Variants in FILIP1L observed in about 807,000 individuals in gnomAD.
FILIP1L encodes the protein filamin A interacting protein 1 like.
FILIP1L carries 55 observed loss-of-function variants against 96.6 expected under a neutral mutation model. The observed-to-expected ratio is 0.57, with a 90% CI of 0.46 to 0.71. The LOEUF (loss-of-function observed/expected upper bound fraction) is 0.71. Ranked by LOEUF, FILIP1L falls within the 30% of genes least tolerant of loss-of-function variation. The pLI is 0.00. For missense variants in FILIP1L, 1,304 were observed against 1,321.2 expected (o/e 0.99, Z 0.20); for synonymous variants, 467 against 473.9 (o/e 0.99, Z 0.19).
rs780887267 is a variant in FILIP1L at position 99,924,394 on chromosome 3, C to T, written c.441G>A (p.Val147=). The T allele has an allele frequency of 6.2e-7, 1 of 1,614,036 alleles. No individual in the cohort carries two copies. Among genetic ancestry groups the T allele is most frequent in the South Asian group, 1.1e-5 (1 of 91,030 alleles). Reference sequence around the variant, plus strand: ...GTCTGTAAGATTCTTTATGTTTTTCCACAACTTTGTCCAACTACGAAAGAA... The same window carrying T: ...GTCTGTAAGATTCTTTATGTTTTTCTACAACTTTGTCCAACTACGAAAGAA... ...EKPMNELDKV[V]EKHKESYRRI... Residue 147 remains valine (V), a synonymous_variant, in exon 4 of 6, where the codon GTG becomes GTA. Coordinates refer to ENST00000477258, the MANE Select transcript of FILIP1L (RefSeq NM_001387850.1).
At chr3:99,949,458 T>C (rs1443161242) in intron 1 of FILIP1L, among the ~76,000 whole-genome samples, 2 of 152,236 alleles carry the variant, frequency 1.3e-5, no homozygotes, top group Non-Finnish European at 2.9e-5. Context: ...AAGTCAGGAA[T>C]GCATAACTGT....
Position 99,849,812 on chromosome 3 carries a change from T to C in FILIP1L, c.1864A>G (p.Asn622Asp). The change falls in exon 5 of 6, where the codon AAC becomes GAC. Residue 622 changes from asparagine to aspartate, a missense_variant. Physicochemically the swap from Asn to Asp is conservative, Grantham distance 23. Coordinates refer to ENST00000477258, the MANE Select transcript of FILIP1L (RefSeq NM_001387850.1). ...TGAGAGAGCTCCTTAATCTTATTGTTTTCTTGGTGTAATGCTGTTGTGGAT... is the reference window on the plus strand; with the variant it reads ...TGAGAGAGCTCCTTAATCTTATTGTCTTCTTGGTGTAATGCTGTTGTGGAT... ...GKSTTALHQE[N>D]NKIKELSQEV... 6.2e-7 allele frequency: 1 copy of C among 1,612,784 alleles called. No homozygotes were observed. Among genetic ancestry groups the C allele is most frequent in the Non-Finnish European group, 8.5e-7 (1 of 1,179,846 alleles).
In FILIP1L at chr3:99,873,883, T is replaced by G. The variant is rs369433418; in HGVS notation, c.606-22813A>C. On this transcript the variant is annotated intron_variant, in intron 4 of 5. Transcript: ENST00000477258. ...AGGTTAATCACCACAAAAGTGCAAATGAACTTACTAAGCATAAAATTATTA... is the reference window on the plus strand; with the variant it reads ...AGGTTAATCACCACAAAAGTGCAAAGGAACTTACTAAGCATAAAATTATTA... 2.6e-5 allele frequency among the ~76,000 whole-genome samples: 4 copies of G among 152,172 alleles called. No homozygotes were observed. In the South Asian group the frequency reaches 8.3e-4, roughly 32 times the overall value.
intron 1 of FILIP1L, among the ~76,000 whole-genome samples, chr3:100,038,252 G>A (rs569218743): frequency 1.7e-4 from 26 of 152,034 alleles, no homozygotes; most frequent in African/African-American, 5.8e-4. Context: ...CACCACGCCC[G>A]GCCTCTCTTT....
intron 1 of FILIP1L, among the ~76,000 whole-genome samples, chr3:99,953,609 A>G (rs1044961719): frequency 1.1e-4 from 16 of 152,192 alleles, no homozygotes; most frequent in Non-Finnish European, 2.4e-4. Context: ...AGTCTTTTCT[A>G]AGATGACTTT....
At chr3:99,863,879 A>G (rs764357157) in intron 4 of FILIP1L, among the ~76,000 whole-genome samples, 4 of 152,234 alleles carry the variant, frequency 2.6e-5, no homozygotes, top group Admixed American at 6.5e-5. Context: ...TTTACACAAA[A>G]GTAGCTTACA....
intron 1 of FILIP1L, chr3:100,039,778 G>GAC (rs1166558968): frequency 6.7e-6 from 1 of 150,098 alleles, no homozygotes; most frequent in Non-Finnish European, 1.5e-5. Context: ...TTTTGAGATG[G>GAC]AGTCTTGTTC....
chr3:99,866,350 A>G (rs140996968), intron 4 of FILIP1L, among the ~76,000 whole-genome samples: 20 of 152,314 alleles, frequency 1.3e-4, no homozygotes, highest in African/African-American at 4.6e-4. Context: ...CTAAAGTGGT[A>G]TGCTTGGGAA....
intron 4 of FILIP1L, among the ~76,000 whole-genome samples, chr3:99,859,786 C>A (rs1332123595): frequency 6.6e-6 from 1 of 151,806 alleles, no homozygotes; most frequent in Non-Finnish European, 1.5e-5. Context: ...TGGTATCAGG[C>A]CTATAATTTA....
In FILIP1L at chr3:99,850,148, T is replaced by G; in HGVS notation, c.1528A>C (p.Lys510Gln). 6.2e-7 allele frequency: 1 copy of G among 1,611,590 alleles called. No individual in the cohort carries two copies. Among genetic ancestry groups the G allele is most frequent in the Non-Finnish European group, 8.5e-7 (1 of 1,179,586 alleles). The change falls in exon 5 of 6, where the codon AAA (lysine) becomes CAA (glutamine). Residue 510 changes from lysine to glutamine, a missense_variant. Transcript: ENST00000477258. ...FVDERKTMSE[K>Q]LKKTEDKLQA... Reference sequence around the variant, plus strand: ...AATTTATCTTCAGTTTTCTTTAATTTTTCACTCATTGTTTTCCGTTCATCT... The same window carrying G: ...AATTTATCTTCAGTTTTCTTTAATTGTTCACTCATTGTTTTCCGTTCATCT...
chr3:99,842,824 G>A (rs776329624), intron 5 of FILIP1L, among the ~76,000 whole-genome samples: 9 of 152,136 alleles, frequency 5.9e-5, no homozygotes, highest in Non-Finnish European at 1.2e-4. Context: ...ATTTGTAAGT[G>A]CTCCCATGTA....
chr3:99,918,069 T>C (rs1256533990), intron 4 of FILIP1L, among the ~76,000 whole-genome samples: 2 of 152,054 alleles, frequency 1.3e-5, no homozygotes, highest in Non-Finnish European at 2.9e-5. Flanking sequence ...CCTCCACCTC[T>C]TGGGTTCAAG....
intron 4 of FILIP1L, among the ~76,000 whole-genome samples, chr3:99,860,978 A>G (rs1385710972): frequency 1.3e-5 from 2 of 152,180 alleles, no homozygotes; most frequent in Non-Finnish European, 2.9e-5. Context: ...GATGACATCT[A>G]TCAAGAAGGA....
At chr3:100,095,040 G>A (rs2066180518) in intron 1 of FILIP1L, among the ~76,000 whole-genome samples, 1 of 152,122 alleles carries the variant, frequency 6.6e-6, no homozygotes, top group Non-Finnish European at 1.5e-5. Flanking sequence ...GAAAAACCAG[G>A]CAGGCATATT....
At position 99,832,772 on chromosome 3, in the gene FILIP1L, G is replaced by A. The variant is rs554418055; in HGVS notation, c.3382-2167C>T. On this transcript the variant is annotated intron_variant, in intron 5 of 5. Coordinates refer to ENST00000477258, the MANE Select transcript of FILIP1L (RefSeq NM_001387850.1). ...GGAGAATCGCTTGAACCCACGAGGC[G>A]GAGGTTGCAGTGAGCCGAGATCATA... Among the ~76,000 whole-genome samples the A allele has an allele frequency of 7.6e-4, 112 of 147,514 alleles. 3 individuals carry two copies. In the East Asian group the frequency reaches 0.022, roughly 28 times the overall value.
chr3:99,943,322 G>A (rs1032497302), intron 1 of FILIP1L, among the ~76,000 whole-genome samples: 1 of 152,084 alleles, frequency 6.6e-6, no homozygotes, highest in African/African-American at 2.4e-5. Flanking sequence ...TTCAGAATAA[G>A]CTTCATAAGA....
At chr3:99,993,560 T>TC (rs1209552620) in intron 1 of FILIP1L, among the ~76,000 whole-genome samples, 1 of 152,186 alleles carries the variant, frequency 6.6e-6, no homozygotes, top group African/African-American at 2.4e-5. Flanking sequence ...GTTCCAGTTC[T>TC]TAGAGGGAAT....
chr3:99,960,081 T>C (rs938092746), intron 1 of FILIP1L, among the ~76,000 whole-genome samples: 1 of 152,216 alleles, frequency 6.6e-6, no homozygotes, highest in Admixed American at 6.5e-5. Flanking sequence ...CTCAATGTTA[T>C]AACGATTGGC....
chr3:100,101,021 A>G (rs931290228), intron 1 of FILIP1L, among the ~76,000 whole-genome samples: 1 of 152,150 alleles, frequency 6.6e-6, no homozygotes, highest in African/African-American at 2.4e-5. Context: ...ACTTGCATGC[A>G]TGTAGGATAG....
Sources: gnomAD v4.1 joint callset for allele counts (sites outside exome capture counted in the v4.1 genomes callset) on GRCh38, gnomAD v4.1.1 for gene constraint, MANE v1.5 for transcripts, NCBI Gene and HGNC (gene_info 2026-07-23, HGNC 2026-07-21) for gene names.